SLC8A1: variants seen among roughly 807,000 people sequenced by gnomAD.
The protein encoded by SLC8A1 is solute carrier family 8 member A1, also known as sodium/calcium exchanger 1.
A neutral mutation model predicts 68.3 loss-of-function variants in SLC8A1; 18 were observed. That is an observed-to-expected ratio of 0.26 (90% CI 0.18 to 0.39). The LOEUF is 0.39. Among genes scored for constraint, SLC8A1 ranks in the 10% least tolerant of loss-of-function variants. SLC8A1 has a pLI of 1.00. For synonymous variants in SLC8A1, 475 were observed against 415.5 expected (o/e 1.14, Z -1.74); for missense variants, 985 against 1,156.7 (o/e 0.85, Z 2.15).
intron 2 of SLC8A1, among the ~76,000 whole-genome samples, chr2:40,366,952 G>T (rs368315480): frequency 2.0e-5 from 3 of 151,898 alleles, no homozygotes; most frequent in East Asian, 3.9e-4. Flanking sequence ...TTTTAGGTTC[G>T]GTATATTAAA....
chr2:40,407,561 C>T (rs569409577), intron 2 of SLC8A1, among the ~76,000 whole-genome samples: 1 of 152,284 alleles, frequency 6.6e-6, no homozygotes, highest in African/African-American at 2.4e-5. Flanking sequence ...CAGTGAACAG[C>T]CTTTCCTTCC....
At chr2:40,200,899 G>C (rs895067374) in intron 2 of SLC8A1, among the ~76,000 whole-genome samples, 2 of 151,754 alleles carry the variant, frequency 1.3e-5, no homozygotes, top group African/African-American at 2.4e-5. Context: ...AAACTGGTGA[G>C]TATGAGTGAG....
In SLC8A1 at chr2:40,139,685, A is replaced by T; in HGVS notation, c.2162-9T>A. 1 of 1,610,182 alleles carries T rather than the reference A, an allele frequency of 6.2e-7. No homozygotes were observed. Among genetic ancestry groups the T allele is most frequent in the Non-Finnish European group, 8.5e-7 (1 of 1,177,416 alleles). ...GTCGTCATCATCTTCCCCTAGAGAG[A>T]ATGGAAGGAAGCACATTTCATCACA... On this transcript the variant is annotated splice_polypyrimidine_tract_variant and intron_variant, in intron 6 of 7. Coordinates refer to ENST00000406785, the Ensembl canonical transcript of SLC8A1.
At chr2:40,304,843 G>A (rs935697034) in intron 2 of SLC8A1, among the ~76,000 whole-genome samples, 1 of 152,190 alleles carries the variant, frequency 6.6e-6, no homozygotes, top group Non-Finnish European at 1.5e-5. Context: ...GCCCGCCAGA[G>A]ATGAACCCAG....
At chr2:40,165,630 G>A (rs2046419615) in intron 4 of SLC8A1, among the ~76,000 whole-genome samples, 1 of 152,192 alleles carries the variant, frequency 6.6e-6, no homozygotes, top group South Asian at 2.1e-4. Context: ...CCTTGGCCAT[G>A]TTAATCTTAA....
At position 40,165,404 on chromosome 2, in the gene SLC8A1, G is replaced by A. The variant is rs529559028; in HGVS notation, c.1931-420C>T. ...AAGTGCTAGAGTGACCCTCAGAGATGGCGGAGTCTGGCCTCTTCCTCTTCA... is the reference window on the plus strand; with the variant it reads ...AAGTGCTAGAGTGACCCTCAGAGATAGCGGAGTCTGGCCTCTTCCTCTTCA... On this transcript the variant is annotated intron_variant, in intron 4 of 7. Transcript: ENST00000406785. Among the ~76,000 whole-genome samples, 5 of 152,256 alleles carry A rather than the reference G, an allele frequency of 3.3e-5. No homozygotes were observed. The South Asian group carries it at 1.0e-3, about 32-fold the overall frequency.
intron 2 of SLC8A1, among the ~76,000 whole-genome samples, chr2:40,273,636 C>CA (rs2149147965): frequency 6.6e-6 from 1 of 152,256 alleles, no homozygotes; most frequent in African/African-American, 2.4e-5. Flanking sequence ...TTTTTTAAAA[C>CA]AAACTCATAC....
chr2:40,506,330 A>C (rs1325251248), intron 1 of SLC8A1, among the ~76,000 whole-genome samples: 1 of 151,912 alleles, frequency 6.6e-6, no homozygotes, highest in Non-Finnish European at 1.5e-5. Context: ...TGGATTATTG[A>C]GAAGAAAAAA....
chr2:40,435,709 T>A (rs1288374406), intron 1 of SLC8A1, among the ~76,000 whole-genome samples: 1 of 152,158 alleles, frequency 6.6e-6, no homozygotes, highest in Non-Finnish European at 1.5e-5. Context: ...ACGAAGTTGT[T>A]GAAAACTCAT....
intron 2 of SLC8A1, among the ~76,000 whole-genome samples, chr2:40,340,454 A>C (rs1253702086): frequency 6.6e-6 from 1 of 152,106 alleles, no homozygotes; most frequent in Non-Finnish European, 1.5e-5. Context: ...CCAGCTACTC[A>C]GGAGGCTGAG....
At chr2:40,278,797 A>C (rs1296753998) in intron 2 of SLC8A1, among the ~76,000 whole-genome samples, 2 of 151,814 alleles carry the variant, frequency 1.3e-5, no homozygotes, top group Non-Finnish European at 2.9e-5. Flanking sequence ...AAAAACAGAA[A>C]CCCCCACTTG....
exon 2 of SLC8A1, chr2:40,429,234 A>C: frequency 6.2e-7 from 1 of 1,613,892 alleles, no homozygotes; most frequent in Non-Finnish European, 8.5e-7. Flanking sequence ...CTTGGTAGTT[A>C]GCTAATTCTA....
chr2:40,341,881 C>A (rs1667806703), intron 2 of SLC8A1, among the ~76,000 whole-genome samples: 1 of 152,090 alleles, frequency 6.6e-6, no homozygotes, highest in Admixed American at 6.6e-5. Context: ...GTAGATTTAC[C>A]TTTAAGCAAA....
chr2:40,339,277 T>C (rs1666968335), intron 2 of SLC8A1, among the ~76,000 whole-genome samples: 1 of 152,206 alleles, frequency 6.6e-6, no homozygotes. Flanking sequence ...GTATTCTGTT[T>C]AAAGATGACC....
intron 1 of SLC8A1, among the ~76,000 whole-genome samples, chr2:40,478,987 G>C (rs964072229): frequency 2.6e-5 from 4 of 151,910 alleles, no homozygotes; most frequent in African/African-American, 9.7e-5. Context: ...GGCCAGGATA[G>C]TCTCAAACTC....
chr2:40,491,716 T>C (rs1414450962), intron 1 of SLC8A1, among the ~76,000 whole-genome samples: 8 of 152,200 alleles, frequency 5.3e-5, no homozygotes, highest in Non-Finnish European at 1.0e-4. Context: ...TCAAAGGCCT[T>C]TTCTGCATCT....
chr2:40,220,874 TC>T (rs1324342088), intron 2 of SLC8A1, among the ~76,000 whole-genome samples: 30 of 148,550 alleles, frequency 2.0e-4, no homozygotes, highest in Non-Finnish European at 9.0e-5. Context: ...TTTTTTTTCT[TC>T]AAAAAAAAAG....
At chr2:40,279,818 C>T (rs1317575399) in intron 2 of SLC8A1, among the ~76,000 whole-genome samples, 2 of 152,188 alleles carry the variant, frequency 1.3e-5, no homozygotes, top group African/African-American at 4.8e-5. Flanking sequence ...CCCCAACATG[C>T]ACAGTTCACT....
intron 2 of SLC8A1, among the ~76,000 whole-genome samples, chr2:40,357,326 T>C (rs1309989288): frequency 6.6e-6 from 1 of 151,448 alleles, no homozygotes; most frequent in Non-Finnish European, 1.5e-5. Context: ...ACCCTGTCTC[T>C]ACAAAACATT....
Sources: allele counts gnomAD v4.1 joint callset (sites outside exome capture counted in the v4.1 genomes callset), GRCh38; gene constraint gnomAD v4.1.1; transcripts MANE v1.5; gene names NCBI Gene and HGNC (gene_info 2026-07-23, HGNC 2026-07-21).